Variants in GNG4 observed in about 807,000 individuals in gnomAD.
The protein encoded by GNG4 is G protein subunit gamma 4.
Under a neutral mutation model 5.8 loss-of-function variants are expected in GNG4, and 4 were observed. That is an observed-to-expected ratio of 0.69 (90% CI 0.34 to 1.57). The LOEUF is 1.57. Among genes scored for constraint, GNG4 ranks in the 40% most tolerant of loss-of-function variants. GNG4 has a pLI of 0.06. For synonymous variants in GNG4, 29 were observed against 32.9 expected (o/e 0.88, Z 0.41); for missense variants, 96 against 95.1 (o/e 1.01, Z -0.04).
intron 1 of GNG4, among the ~76,000 whole-genome samples, chr1:235,645,797 CAAAAAAAAAAA>C (rs6143682): frequency 3.3e-5 from 3 of 90,378 alleles, no homozygotes; most frequent in African/African-American, 8.2e-5. Flanking sequence ...AACTCAGTCT[CAAAAAAAAAAA>C]AAAAAAAAAA....
intron 1 of GNG4, among the ~76,000 whole-genome samples, chr1:235,609,254 C>T (rs953586270): frequency 1.3e-5 from 2 of 151,778 alleles, no homozygotes; most frequent in African/African-American, 2.4e-5. Flanking sequence ...TTTAGTTTAT[C>T]GGCCCATCTG....
At chr1:235,576,068 T>TG (rs1369290017) in intron 3 of GNG4, among the ~76,000 whole-genome samples, 1 of 150,132 alleles carries the variant, frequency 6.7e-6, no homozygotes, top group Non-Finnish European at 1.5e-5. Context: ...TACTTTTTTT[T>TG]TTTTTTTTTT....
chr1:235,600,438 GTA>G (rs57273982), intron 1 of GNG4, among the ~76,000 whole-genome samples: 43,903 of 135,820 alleles, frequency 0.32, 7,723 homozygotes, highest in African/African-American at 0.53. Context: ...GTGTGTGTGT[GTA>G]TATGTGTGTG....
At chr1:235,596,896 C>CTT (rs796171049) in intron 1 of GNG4, among the ~76,000 whole-genome samples, 1 of 144,950 alleles carries the variant, frequency 6.9e-6, no homozygotes, top group African/African-American at 2.5e-5. Context: ...CTAATTTTTA[C>CTT]TTTTTTTTTT....
intron 1 of GNG4, among the ~76,000 whole-genome samples, chr1:235,610,012 T>C (rs989462946): frequency 6.6e-6 from 1 of 152,246 alleles, no homozygotes; most frequent in African/African-American, 2.4e-5. Flanking sequence ...AAACTATTAT[T>C]GATACGTTAC....
chr1:235,611,202 C>A (rs1688469461), intron 1 of GNG4, among the ~76,000 whole-genome samples: 1 of 150,824 alleles, frequency 6.6e-6, no homozygotes, highest in Non-Finnish European at 1.5e-5. Context: ...GGGTTTCACT[C>A]CGTCACCCAG....
intron 1 of GNG4, among the ~76,000 whole-genome samples, chr1:235,634,236 A>G (rs1349835587): frequency 1.3e-5 from 2 of 152,226 alleles, no homozygotes; most frequent in Non-Finnish European, 1.5e-5. Context: ...TGGCACGGGC[A>G]GTAAAAAGAA....
At chr1:235,586,386 GTGTGTGTGCTGATGTGTGTCTGCGTTGC>G (rs1400267743) in intron 2 of GNG4, among the ~76,000 whole-genome samples, 1 of 152,202 alleles carries the variant, frequency 6.6e-6, no homozygotes, top group East Asian at 1.9e-4. Context: ...CTCCGTGTGT[GTGTGTGTGCTGATGTGTGTCTGCGTTGC>G]TGTGTGTCTA....
intron 2 of GNG4, among the ~76,000 whole-genome samples, chr1:235,591,398 G>C (rs1255008927): frequency 2.0e-5 from 3 of 152,212 alleles, no homozygotes; most frequent in Non-Finnish European, 2.9e-5. Flanking sequence ...AATCCCTGGT[G>C]GGGGAGAAGG....
At chr1:235,607,227 A>G (rs574729126) in intron 1 of GNG4, among the ~76,000 whole-genome samples, 41 of 152,246 alleles carry the variant, frequency 2.7e-4, no homozygotes, top group South Asian at 4.2e-4. Flanking sequence ...GATGACAGGT[A>G]TGAACCATCG....
chr1:235,561,541 C>T (rs1454279579), intron 3 of GNG4, among the ~76,000 whole-genome samples: 1 of 152,060 alleles, frequency 6.6e-6, no homozygotes, highest in African/African-American at 2.4e-5. Context: ...ATTGCAGGCA[C>T]CTGCCACCAT....
intron 1 of GNG4, among the ~76,000 whole-genome samples, chr1:235,606,306 C>T (rs143886001): frequency 0.017 from 2,625 of 152,196 alleles, 75 homozygotes; most frequent in African/African-American, 0.059. Context: ...CGCTTGAACC[C>T]AGGAGGCAGA....
At chr1:235,620,511 T>A (rs1161449730) in intron 1 of GNG4, among the ~76,000 whole-genome samples, 1 of 152,046 alleles carries the variant, frequency 6.6e-6, no homozygotes, top group Admixed American at 6.5e-5. Context: ...GACTTCTGGG[T>A]GTTGAATGTG....
At chr1:235,597,357 T>C (rs1688145296) in intron 1 of GNG4, among the ~76,000 whole-genome samples, 1 of 152,110 alleles carries the variant, frequency 6.6e-6, no homozygotes, top group Non-Finnish European at 1.5e-5. Flanking sequence ...TTGGTGCATT[T>C]TTCTCAGCCT....
rs1571920879 is a variant in GNG4 at position 235,627,255 on chromosome 1, C to A, written c.-123+22407G>T. On this transcript the variant is annotated intron_variant, in intron 1 of 3. Coordinates refer to ENST00000391854, the MANE Select transcript of GNG4 (RefSeq NM_001098722.2). ...TTTGTTTTTTTGAGACAGAGTCTCGCTCTGTCTCCCAGGCTGGAGTGCAGT... is the reference window on the plus strand; with the variant it reads ...TTTGTTTTTTTGAGACAGAGTCTCGATCTGTCTCCCAGGCTGGAGTGCAGT... Among the ~76,000 whole-genome samples the A allele has an allele frequency of 2.0e-5, 3 of 152,148 alleles. No homozygotes were observed. In the South Asian group the frequency reaches 6.2e-4, roughly 32 times the overall value.
rs1471699792 is a variant in GNG4, at chr1:235,635,686, T to C, written c.-123+13976A>G. Among the ~76,000 whole-genome samples, 5 of 116,410 alleles carry C rather than the reference T, an allele frequency of 4.3e-5. No individual in the cohort carries two copies. In the East Asian group the frequency reaches 1.4e-3, roughly 33 times the overall value. 76.4% of individuals were successfully genotyped at this position (116,410 alleles called of 152,430 possible). On this transcript the variant is annotated intron_variant, in intron 1 of 3. Coordinates refer to ENST00000391854, the MANE Select transcript of GNG4 (RefSeq NM_001098722.2). The stretch of plus-strand genomic sequence containing the variant: ...TCACTGAGCCTCAAGTATTTCTTTA[T>C]AGCAACACAAAACCAACTAATACAT...
rs111679191 is a variant in GNG4, at chr1:235,622,608, C to T, written c.-123+27054G>A. On this transcript the variant is annotated intron_variant, in intron 1 of 3. Coordinates refer to ENST00000391854, the MANE Select transcript of GNG4 (RefSeq NM_001098722.2). Reference sequence around the variant, plus strand: ...CTCACCTGAGGTCAGGTGGCTCACCCAGCACTTTGGGAGGCCGAGGCGGGT... The same window carrying T: ...CTCACCTGAGGTCAGGTGGCTCACCTAGCACTTTGGGAGGCCGAGGCGGGT... Among the ~76,000 whole-genome samples the T allele has an allele frequency of 2.4e-4, 36 of 151,960 alleles. 1 individual carries two copies. The highest frequency in any genetic ancestry group is 8.4e-4 in the African/African-American group (35 of 41,434).
At chr1:235,561,658 G>A (rs1382511672) in intron 3 of GNG4, among the ~76,000 whole-genome samples, 3 of 152,312 alleles carry the variant, frequency 2.0e-5, no homozygotes, top group South Asian at 2.1e-4. Flanking sequence ...GCCTCCCAAC[G>A]TGCTGGGATT....
At chr1:235,566,016 T>C (rs968898723) in intron 3 of GNG4, 13 of 152,218 alleles carry the variant, frequency 8.5e-5, no homozygotes, top group African/African-American at 3.1e-4. Flanking sequence ...AGAATCTGAC[T>C]CTATCACACT....
Sources: gnomAD v4.1 joint callset for allele counts (sites outside exome capture counted in the v4.1 genomes callset) on GRCh38, gnomAD v4.1.1 for gene constraint, MANE v1.5 for transcripts, NCBI Gene and HGNC (gene_info 2026-07-23, HGNC 2026-07-21) for gene names.